DIAPH1: variants seen among roughly 807,000 people sequenced by gnomAD.
DIAPH1 encodes the protein diaphanous related formin 1.
DIAPH1 carries 46 observed loss-of-function variants against 140.7 expected under a neutral mutation model. The ratio of observed to expected loss-of-function variants is 0.33; its 90% CI spans 0.26 to 0.42. The LOEUF (loss-of-function observed/expected upper bound fraction) is 0.42. DIAPH1 is among the 10% of genes least tolerant of loss of function. DIAPH1 has a pLI of 1.00. For synonymous variants in DIAPH1, 565 were observed against 551.6 expected (o/e 1.02, Z -0.34); for missense variants, 1,310 against 1,558.7 (o/e 0.84, Z 2.69).
rs372638311 is a variant in DIAPH1, at chr5:141,516,819, G to A, written c.*32C>T. 45 of 1,612,926 alleles carry A rather than the reference G, an allele frequency of 2.8e-5. No homozygotes were observed. The highest frequency in any genetic ancestry group is 1.2e-4 in the African/African-American group (9 of 75,040). On this transcript the variant is annotated 3_prime_UTR_variant, in exon 28 of 28. Coordinates refer to ENST00000389054, the MANE Select transcript of DIAPH1 (RefSeq NM_005219.5). ...GCAGGGCAGGACAGTCTGCGGCTCCGCTGAGGAGCTGCCGCGGTCACAGGA... is the reference window on the plus strand; with the variant it reads ...GCAGGGCAGGACAGTCTGCGGCTCCACTGAGGAGCTGCCGCGGTCACAGGA...
intron 18 of DIAPH1, among the ~76,000 whole-genome samples, chr5:141,545,141 C>T (rs1231324658): frequency 6.6e-6 from 1 of 152,034 alleles, no homozygotes; most frequent in Non-Finnish European, 1.5e-5. Context: ...CAGTGGTATG[C>T]CAGGGTTTGG....
intron 1 of DIAPH1, among the ~76,000 whole-genome samples, chr5:141,594,490 A>G (rs1488396276): frequency 1.3e-5 from 2 of 152,148 alleles, no homozygotes; most frequent in East Asian, 1.9e-4. Flanking sequence ...ACCTGTAAAC[A>G]TGGCACTCTG....
At chr5:141,554,169 C>T (rs759728181) in intron 18 of DIAPH1, among the ~76,000 whole-genome samples, 4 of 151,936 alleles carry the variant, frequency 2.6e-5, no homozygotes, top group Admixed American at 6.6e-5. Context: ...CCCAGCTACT[C>T]GGGAGGCTGA....
At chr5:141,546,538 C>T (rs1439758047) in intron 18 of DIAPH1, among the ~76,000 whole-genome samples, 1 of 151,960 alleles carries the variant, frequency 6.6e-6, no homozygotes, top group Non-Finnish European at 1.5e-5. Flanking sequence ...TGCCTGTAAT[C>T]CCAGCTACTT....
chr5:141,582,381 T>C lies in DIAPH1; in HGVS notation c.621-6A>G. ...TGTTCCGGCTATCGTAACTCCTGTATATAGAAGACATAATCAGTGAGGTCC... is the reference window on the plus strand; with the variant it reads ...TGTTCCGGCTATCGTAACTCCTGTACATAGAAGACATAATCAGTGAGGTCC... On this transcript the variant is annotated splice_region_variant and splice_polypyrimidine_tract_variant and intron_variant, in intron 6 of 27. Coordinates refer to ENST00000389054, the MANE Select transcript of DIAPH1 (RefSeq NM_005219.5). 6.2e-7 allele frequency: 1 copy of C among 1,607,384 alleles called. No homozygotes were observed. The highest frequency in any genetic ancestry group is 1.1e-5 in the South Asian group (1 of 90,932).
At chr5:141,520,923 T>TG (rs2099886437) in intron 27 of DIAPH1, among the ~76,000 whole-genome samples, 1 of 152,146 alleles carries the variant, frequency 6.6e-6, no homozygotes, top group African/African-American at 2.4e-5. Flanking sequence ...TTTTTTGAGA[T>TG]GGAGTCTCAT....
intron 16 of DIAPH1, among the ~76,000 whole-genome samples, chr5:141,572,618 G>A (rs1429117323): frequency 6.6e-6 from 1 of 152,060 alleles, no homozygotes; most frequent in East Asian, 1.9e-4. Flanking sequence ...AGACCAACAT[G>A]GTGAAACCCC....
At chr5:141,570,129 A>C (rs2099894947) in intron 18 of DIAPH1, among the ~76,000 whole-genome samples, 1 of 151,338 alleles carries the variant, frequency 6.6e-6, no homozygotes, top group Non-Finnish European at 1.5e-5. Flanking sequence ...AGGAATACAA[A>C]TGCACCAAAT....
At chr5:141,605,980 A>AT (rs2099900876) in intron 1 of DIAPH1, among the ~76,000 whole-genome samples, 1 of 152,242 alleles carries the variant, frequency 6.6e-6, no homozygotes, top group African/African-American at 2.4e-5. Flanking sequence ...CAAGAAAGAA[A>AT]TCACTAGAGA....
chr5:141,578,393 G>T, intron 10 of DIAPH1, 50 bp from the exon 11 acceptor site: 2 of 1,550,298 alleles, frequency 1.3e-6, no homozygotes, highest in African/African-American at 1.4e-5. Flanking sequence ...ATCCTCTGTG[G>T]TTAGAAACCT....
intron 19 of DIAPH1, among the ~76,000 whole-genome samples, chr5:141,532,050 ATTTAAAC>A (rs1466277432): frequency 6.6e-6 from 1 of 152,206 alleles, no homozygotes; most frequent in Non-Finnish European, 1.5e-5. Context: ...CATTTTCCTG[ATTTAAAC>A]TTTACTCAGT....
At chr5:141,560,833 C>A (rs936185446) in intron 18 of DIAPH1, 1 of 456,036 alleles carries the variant, frequency 2.2e-6, no homozygotes, top group Non-Finnish European at 4.4e-6. Flanking sequence ...AAACTCCCAG[C>A]CCCCAGCCTG....
intron 27 of DIAPH1, chr5:141,519,101 C>T (rs1270794928): frequency 4.8e-6 from 5 of 1,048,544 alleles, no homozygotes; most frequent in South Asian, 1.4e-5. Context: ...TTTCACAAAA[C>T]CATTTATTGG....
chr5:141,611,749 A>G (rs889535516), intron 1 of DIAPH1, among the ~76,000 whole-genome samples: 1 of 152,254 alleles, frequency 6.6e-6, no homozygotes, highest in Non-Finnish European at 1.5e-5. Flanking sequence ...AAAGATGTTC[A>G]ACATCATTAG....
chr5:141,579,724 C>T (rs1233156363), intron 8 of DIAPH1, among the ~76,000 whole-genome samples: 2 of 151,940 alleles, frequency 1.3e-5, no homozygotes, highest in Admixed American at 6.6e-5. Context: ...CCGAGGCGGG[C>T]GGATCACAAG....
chr5:141,539,054 C>T (rs1289603533), intron 18 of DIAPH1, among the ~76,000 whole-genome samples: 1 of 151,730 alleles, frequency 6.6e-6, no homozygotes, highest in Non-Finnish European at 1.5e-5. Context: ...GCAGGCAGAT[C>T]ACTTGAGGCC....
chr5:141,593,945 G>A (rs531379907), intron 1 of DIAPH1, among the ~76,000 whole-genome samples: 15 of 152,242 alleles, frequency 9.9e-5, no homozygotes, highest in South Asian at 6.2e-4. Flanking sequence ...GATTACAGGC[G>A]CATGCCACCA....
Position 141,516,711 on chromosome 5 carries a change from G to T in DIAPH1, c.*140C>A. The T allele has an allele frequency of 1.1e-6, 1 of 902,516 alleles. No individual in the cohort carries two copies. Among genetic ancestry groups the T allele is most frequent in the Non-Finnish European group, 1.8e-6 (1 of 570,296 alleles). 55.9% of individuals were successfully genotyped at this position (902,516 alleles called of 1,614,324 possible). ...AGCTGTATGTGATGTTGAGAGAGCA[G>T]CAGGCCAGAGAGAAAGACAGGGTCA... is the stretch of plus-strand genomic sequence containing the variant. On this transcript the variant is annotated 3_prime_UTR_variant, in exon 28 of 28. Transcript: ENST00000389054.
intron 1 of DIAPH1, among the ~76,000 whole-genome samples, chr5:141,602,544 A>G (rs2099900313): frequency 6.6e-6 from 1 of 152,208 alleles, no homozygotes; most frequent in Admixed American, 6.5e-5. Flanking sequence ...CATTTCCACT[A>G]AAGGAATGTA....
Sources: gnomAD v4.1 joint callset for allele counts (sites outside exome capture counted in the v4.1 genomes callset) on GRCh38, gnomAD v4.1.1 for gene constraint, MANE v1.5 for transcripts, NCBI Gene and HGNC (gene_info 2026-07-23, HGNC 2026-07-21) for gene names.